Variants in CADM2 observed in about 807,000 individuals in gnomAD.
CADM2 encodes the protein cell adhesion molecule 2.
In CADM2, 12 loss-of-function variants were observed where a neutral mutation model predicts 49.8. The observed-to-expected ratio is 0.24, with a 90% CI of 0.15 to 0.39. CADM2 has a LOEUF of 0.39. CADM2 is among the 10% of genes least tolerant of loss of function. CADM2 has a pLI of 1.00. For missense variants in CADM2, 378 were observed against 492.3 expected (o/e 0.77, Z 2.20); for synonymous variants, 214 against 175.4 (o/e 1.22, Z -1.74).
intron 1 of CADM2, among the ~76,000 whole-genome samples, chr3:85,622,858 C>T (rs1184811346): frequency 6.6e-6 from 1 of 152,056 alleles, no homozygotes; most frequent in African/African-American, 2.4e-5. Context: ...CATGAAGTGT[C>T]TGCAAATTTT....
At chr3:85,912,207 G>T (rs1386360910) in intron 5 of CADM2, among the ~76,000 whole-genome samples, 166 bp from the exon 6 acceptor site, 2 of 152,020 alleles carry the variant, frequency 1.3e-5, no homozygotes, top group Admixed American at 6.6e-5. Context: ...TTAAGTAATT[G>T]TAATTTTATT....
chr3:85,182,383 C>A (rs2040958206), intron 1 of CADM2, among the ~76,000 whole-genome samples: 1 of 151,984 alleles, frequency 6.6e-6, no homozygotes, highest in African/African-American at 2.4e-5. Flanking sequence ...GCATCTTGTA[C>A]CCCATAATAT....
chr3:85,883,242 G>C (rs1369750143), intron 3 of CADM2, 49 bp from the exon 4 acceptor site: 1 of 1,485,864 alleles, frequency 6.7e-7, no homozygotes, highest in South Asian at 1.3e-5. Context: ...TAAAAATACT[G>C]ACTGTTTCTG....
chr3:85,635,903 T>C (rs2064458195), intron 1 of CADM2, among the ~76,000 whole-genome samples: 1 of 152,154 alleles, frequency 6.6e-6, no homozygotes, highest in South Asian at 2.1e-4. Context: ...CTCCGTAGTG[T>C]TGCAGCCGTC....
intron 7 of CADM2, among the ~76,000 whole-genome samples, chr3:85,960,531 T>C (rs529530541): frequency 6.6e-6 from 1 of 151,948 alleles, no homozygotes; most frequent in Non-Finnish European, 1.5e-5. Context: ...TATTCTTATA[T>C]GCAGCACATT....
intron 1 of CADM2, among the ~76,000 whole-genome samples, chr3:85,608,584 T>G (rs73843691): frequency 0.011 from 1,710 of 152,232 alleles, 36 homozygotes; most frequent in African/African-American, 0.039. Flanking sequence ...ATCGATGGGA[T>G]AAAGCATCCA....
intron 1 of CADM2, among the ~76,000 whole-genome samples, chr3:85,502,974 GA>G (rs145732439): frequency 0.1 from 15,372 of 151,808 alleles, 1,026 homozygotes; most frequent in Non-Finnish European, 0.13. Context: ...GATTGTAAAA[GA>G]AAAAAAGATT....
intron 1 of CADM2, among the ~76,000 whole-genome samples, chr3:85,383,343 A>C (rs1421584700): frequency 6.6e-6 from 1 of 152,052 alleles, no homozygotes; most frequent in East Asian, 1.9e-4. Context: ...TTCTTTTAAC[A>C]GTGCTAAAAT....
chr3:85,439,237 T>A (rs1046009726), intron 1 of CADM2, among the ~76,000 whole-genome samples: 10 of 149,784 alleles, frequency 6.7e-5, no homozygotes, highest in Admixed American at 1.3e-4. Flanking sequence ...CACCGCAACC[T>A]CCACCTCCCA....
intron 1 of CADM2, among the ~76,000 whole-genome samples, chr3:85,565,227 GA>G (rs1299579345): frequency 2.3e-5 from 1 of 42,956 alleles, no homozygotes; most frequent in African/African-American, 3.8e-5. Context: ...TAGTCGAGAA[GA>G]AAAAAAATAC....
intron 1 of CADM2, among the ~76,000 whole-genome samples, chr3:85,442,106 C>CACAAT (rs1432228320): frequency 1.3e-5 from 2 of 151,998 alleles, no homozygotes; most frequent in Non-Finnish European, 2.9e-5. Context: ...ATTTTGTCCA[C>CACAAT]ACAATATTAT....
chr3:85,619,459 C>T (rs928715225), intron 1 of CADM2, among the ~76,000 whole-genome samples: 1 of 152,132 alleles, frequency 6.6e-6, no homozygotes, highest in East Asian at 1.9e-4. Context: ...AGTATTCTTG[C>T]CCTTTCACTC....
At chr3:85,718,338 A>G (rs1293037674) in intron 1 of CADM2, among the ~76,000 whole-genome samples, 2 of 152,148 alleles carry the variant, frequency 1.3e-5, no homozygotes, top group Non-Finnish European at 2.9e-5. Context: ...CGTGTACTTT[A>G]GTTATTGAGA....
At chr3:84,986,374 A>G (rs1472365080) in intron 1 of CADM2, among the ~76,000 whole-genome samples, 1 of 152,160 alleles carries the variant, frequency 6.6e-6, no homozygotes, top group African/African-American at 2.4e-5. Flanking sequence ...ATGCAGAGCA[A>G]TTGCCTCACT....
chr3:86,029,669 A>G (rs964118898), intron 8 of CADM2, among the ~76,000 whole-genome samples: 2 of 152,014 alleles, frequency 1.3e-5, no homozygotes, highest in East Asian at 1.9e-4. Context: ...ACCATCCCTC[A>G]GCTAATAACA....
Position 85,769,549 on chromosome 3 carries a change from ATATATGTATATATACACG to A in CADM2, c.89-32492_89-32475del, listed in dbSNP as rs1559644568. Reference sequence around the variant, plus strand: ...TATATGTATATATACACGTATATACATATATGTATATATACACGTATATACATATATACATATATAGTA... The same window carrying A: ...TATATGTATATATACACGTATATACATATATACATATATACATATATAGTA... On this transcript the variant is annotated intron_variant, in intron 2 of 9. Coordinates refer to ENST00000383699, the MANE Select transcript of CADM2 (RefSeq NM_001167675.2). Among the ~76,000 whole-genome samples, 5 of 78,992 alleles carry A rather than the reference ATATATGTATATATACACG, an allele frequency of 6.3e-5. 1 individual carries two copies. The highest frequency in any genetic ancestry group is 1.4e-4 in the African/African-American group (3 of 21,238). 51.8% of individuals were successfully genotyped at this position (78,992 alleles called of 152,430 possible).
chr3:85,169,771 A>G (rs1460595917), intron 1 of CADM2, among the ~76,000 whole-genome samples: 1 of 152,192 alleles, frequency 6.6e-6, no homozygotes, highest in Non-Finnish European at 1.5e-5. Context: ...ATGCCTCAGT[A>G]TTCATATTTT....
chr3:85,843,062 G>A (rs969666278), intron 3 of CADM2, among the ~76,000 whole-genome samples: 1 of 152,034 alleles, frequency 6.6e-6, no homozygotes, highest in Non-Finnish European at 1.5e-5. Flanking sequence ...AAAGGAAACC[G>A]TATAACCATG....
At chr3:85,660,500 A>C (rs939977961) in intron 1 of CADM2, among the ~76,000 whole-genome samples, 13 of 151,970 alleles carry the variant, frequency 8.6e-5, no homozygotes, top group African/African-American at 1.2e-4. Context: ...ATGCTTTAAA[A>C]GAGTTCTTTT....
Sources: gnomAD v4.1 joint callset for allele counts (sites outside exome capture counted in the v4.1 genomes callset) on GRCh38, gnomAD v4.1.1 for gene constraint, MANE v1.5 for transcripts, NCBI Gene and HGNC (gene_info 2026-07-23, HGNC 2026-07-21) for gene names.